The following DSCAM variants were observed in gnomAD, a reference collection of about 807,000 sequenced individuals.
The protein encoded by DSCAM is DS cell adhesion molecule.
Under a neutral mutation model 217.7 loss-of-function variants are expected in DSCAM, and 47 were observed. The observed-to-expected ratio is 0.22, with a 90% confidence interval of 0.17 to 0.28. The LOEUF (loss-of-function observed/expected upper bound fraction) is 0.28, where lower values mean the gene tolerates loss of function less well. Among genes scored for constraint, DSCAM ranks in the 10% least tolerant of loss-of-function variants. The pLI is 1.00. For synonymous variants in DSCAM, 1,056 were observed against 1,015.3 expected (o/e 1.04, Z -0.76); for missense variants, 2,080 against 2,618.3 (o/e 0.79, Z 4.49).
chr21:40,088,190 C>A (rs1029858039), intron 21 of DSCAM, among the ~76,000 whole-genome samples: 13 of 152,150 alleles, frequency 8.5e-5, no homozygotes, highest in African/African-American at 3.1e-4. Flanking sequence ...ATAGAGGAAA[C>A]AGGTGCCCCT....
chr21:40,335,393 G>GT lies in DSCAM; in HGVS notation c.1783+2707dup, dbSNP rs1306989832. On this transcript the variant is annotated intron_variant, in intron 8 of 32. Transcript: ENST00000400454. ...TATTTCCTAAAATCATAAATATATT[G>GT]TTTATAAGAGACAATAAATTATTCT... Among the ~76,000 whole-genome samples the GT allele has an allele frequency of 7.9e-5, 12 of 152,188 alleles. No homozygotes were observed. The East Asian group carries it at 2.1e-3, about 27-fold the overall frequency.
At chr21:40,318,354 T>C (rs1203971528) in intron 8 of DSCAM, among the ~76,000 whole-genome samples, 3 of 148,356 alleles carry the variant, frequency 2.0e-5, no homozygotes, top group Non-Finnish European at 4.5e-5. Context: ...AAAAAAAGAA[T>C]GACTTAGAAA....
chr21:40,765,056 T>G (rs1233359147), intron 1 of DSCAM, among the ~76,000 whole-genome samples: 1 of 151,076 alleles, frequency 6.6e-6, no homozygotes, highest in Non-Finnish European at 1.5e-5. Context: ...ATGGCACATG[T>G]GTACCTATGT....
chr21:40,629,746 TAC>T (rs1426052657), intron 3 of DSCAM: 1 of 152,196 alleles, frequency 6.6e-6, no homozygotes, highest in African/African-American at 2.4e-5. Context: ...TTCTGATTGA[TAC>T]AGTGATTGTT....
At chr21:40,763,392 C>T (rs968369986) in intron 1 of DSCAM, among the ~76,000 whole-genome samples, 5 of 151,928 alleles carry the variant, frequency 3.3e-5, no homozygotes, top group Admixed American at 6.6e-5. Flanking sequence ...ACAAGGGATG[C>T]GATAAGACCT....
At chr21:40,424,721 C>T (rs922124094) in intron 3 of DSCAM, among the ~76,000 whole-genome samples, 1 of 152,178 alleles carries the variant, frequency 6.6e-6, no homozygotes. Context: ...GAGGACATGA[C>T]ATTCTGGGAA....
intron 3 of DSCAM, among the ~76,000 whole-genome samples, chr21:40,402,205 T>C (rs2075242018): frequency 1.3e-5 from 2 of 151,522 alleles, no homozygotes; most frequent in Admixed American, 1.3e-4. Flanking sequence ...GACTACAGAC[T>C]ACAGGCGCCC....
chr21:40,370,864 C>G (rs935063778), intron 3 of DSCAM, among the ~76,000 whole-genome samples: 1 of 152,082 alleles, frequency 6.6e-6, no homozygotes, highest in African/African-American at 2.4e-5. Flanking sequence ...TCAAGTGATC[C>G]ACCCGTCTTG....
intron 1 of DSCAM, among the ~76,000 whole-genome samples, chr21:40,817,129 G>A (rs970044333): frequency 2.0e-5 from 3 of 150,180 alleles, no homozygotes; most frequent in African/African-American, 7.4e-5. Flanking sequence ...CATACTTCCT[G>A]TTTCTAAGCA....
At chr21:40,368,729 A>T (rs2074861219) in intron 4 of DSCAM, among the ~76,000 whole-genome samples, 1 of 152,204 alleles carries the variant, frequency 6.6e-6, no homozygotes, top group African/African-American at 2.4e-5. Flanking sequence ...GCAATTTTAT[A>T]TTCTTCAGCT....
intron 14 of DSCAM, among the ~76,000 whole-genome samples, chr21:40,184,095 T>C (rs539481781): frequency 6.6e-6 from 1 of 152,266 alleles, no homozygotes; most frequent in African/African-American, 2.4e-5. Context: ...TTCCAAGACA[T>C]GCTATGAATA....
chr21:40,606,608 C>A (rs953772812), intron 3 of DSCAM, among the ~76,000 whole-genome samples: 2 of 152,188 alleles, frequency 1.3e-5, no homozygotes, highest in African/African-American at 4.8e-5. Context: ...AAAGAAGGTG[C>A]CCAAGGTCAC....
At chr21:40,611,440 C>G (rs2089313897) in intron 3 of DSCAM, among the ~76,000 whole-genome samples, 1 of 152,092 alleles carries the variant, frequency 6.6e-6, no homozygotes, top group Non-Finnish European at 1.5e-5. Flanking sequence ...TATGAAATAT[C>G]AATGAGACAA....
intron 3 of DSCAM, among the ~76,000 whole-genome samples, chr21:40,427,714 G>C (rs980739296): frequency 6.6e-6 from 1 of 152,218 alleles, no homozygotes; most frequent in Admixed American, 6.5e-5. Flanking sequence ...GAAGAATGCT[G>C]CAGATTCTCA....
At chr21:40,073,807 A>C (rs2089327839) in intron 27 of DSCAM, among the ~76,000 whole-genome samples, 1 of 152,178 alleles carries the variant, frequency 6.6e-6, no homozygotes, top group African/African-American at 2.4e-5. Flanking sequence ...CCTAGCATTC[A>C]CTCAAGTAAT....
chr21:40,228,035 T>C (rs1045586698), intron 11 of DSCAM, among the ~76,000 whole-genome samples: 11 of 152,216 alleles, frequency 7.2e-5, no homozygotes, highest in African/African-American at 2.7e-4. Flanking sequence ...TCAGGAATTA[T>C]GTAGAATACC....
intron 32 of DSCAM, among the ~76,000 whole-genome samples, chr21:40,014,506 G>A (rs1245422241): frequency 6.6e-6 from 1 of 152,214 alleles, no homozygotes; most frequent in Non-Finnish European, 1.5e-5. Flanking sequence ...CCAATGACAA[G>A]CGTGACAGGG....
At chr21:40,039,170 TA>T (rs758717259) in intron 32 of DSCAM, among the ~76,000 whole-genome samples, 1 of 150,192 alleles carries the variant, frequency 6.7e-6, no homozygotes, top group African/African-American at 2.5e-5. Context: ...AGTATAATAA[TA>T]AAGAAAAGAA....
chr21:40,372,256 T>C (rs1314813278), intron 3 of DSCAM, among the ~76,000 whole-genome samples: 2 of 152,238 alleles, frequency 1.3e-5, no homozygotes, highest in Admixed American at 6.5e-5. Flanking sequence ...AAATGGTTTG[T>C]TCATGTCCTT....
Sources: allele counts gnomAD v4.1 joint callset (sites outside exome capture counted in the v4.1 genomes callset), GRCh38; gene constraint gnomAD v4.1.1; transcripts MANE v1.5; gene names NCBI Gene and HGNC (gene_info 2026-07-23, HGNC 2026-07-21).